Variants in BRMS1L observed in about 807,000 individuals in gnomAD.
The protein encoded by BRMS1L is breast cancer metastasis-suppressor 1-like protein.
In BRMS1L, 23 loss-of-function variants were observed where a neutral mutation model predicts 50.3. That is an observed-to-expected ratio of 0.46 (90% CI 0.33 to 0.65). The LOEUF (loss-of-function observed/expected upper bound fraction) is 0.65. Ranked by LOEUF, BRMS1L falls within the 30% of genes least tolerant of loss-of-function variation. The probability of loss-of-function intolerance (pLI) is 0.02; values close to 1 mark genes in which losing one functional copy is unlikely to be tolerated. For synonymous variants in BRMS1L, 114 were observed against 126.9 expected (o/e 0.90, Z 0.69); for missense variants, 286 against 386.1 (o/e 0.74, Z 2.17).
intron 1 of BRMS1L, 56 bp downstream of exon 1, chr14:35,826,714 C>T: frequency 6.3e-7 from 1 of 1,592,684 alleles, no homozygotes; most frequent in Admixed American, 1.8e-5. Context: ...CGACAGGCCG[C>T]TCTCCGCACG....
intron 4 of BRMS1L, among the ~76,000 whole-genome samples, chr14:35,849,736 G>T (rs2078184302): frequency 6.6e-6 from 1 of 152,052 alleles, no homozygotes; most frequent in Non-Finnish European, 1.5e-5. Flanking sequence ...ATGTTTTTGG[G>T]GGAATGTCTA....
intron 4 of BRMS1L, among the ~76,000 whole-genome samples, chr14:35,839,915 G>T (rs1002163755): frequency 2.6e-5 from 4 of 152,116 alleles, no homozygotes; most frequent in Admixed American, 6.5e-5. Context: ...TGTCGAATAC[G>T]AGTGGTGAGA....
intron 9 of BRMS1L, 138 bp downstream of exon 9, chr14:35,868,170 T>G: frequency 5.4e-6 from 4 of 743,772 alleles, no homozygotes; most frequent in Non-Finnish European, 8.2e-6. Flanking sequence ...ACATATGGCT[T>G]GATTACATGT....
chr14:35,843,172 AC>A lies in BRMS1L; in HGVS notation c.441+8250del, dbSNP rs1377383166. 1.1e-4 allele frequency among the ~76,000 whole-genome samples: 16 copies of A among 152,176 alleles called. 1 individual carries two copies. The highest frequency in any genetic ancestry group is 2.9e-5 in the Non-Finnish European group (2 of 68,028). On this transcript the variant is annotated intron_variant, in intron 4 of 9. Coordinates refer to ENST00000216807, the MANE Select transcript of BRMS1L (RefSeq NM_032352.4). ...AGTTATTACCCACCTACTGAAGCCT[AC>A]TTCTGCCAATTCGTCAAGCTCATTC...
intron 5 of BRMS1L, among the ~76,000 whole-genome samples, 181 bp downstream of exon 5, chr14:35,862,867 C>T (rs957058844): frequency 6.6e-6 from 1 of 152,152 alleles, no homozygotes; most frequent in African/African-American, 2.4e-5. Context: ...TTTGAATTCA[C>T]ACTTTAGAAA....
intron 4 of BRMS1L, among the ~76,000 whole-genome samples, chr14:35,843,972 C>G (rs777852065): frequency 3.3e-5 from 5 of 152,156 alleles, no homozygotes; most frequent in Non-Finnish European, 7.3e-5. Context: ...TTCCTGGTGG[C>G]TTTGTTTACA....
At chr14:35,830,002 C>A in intron 1 of BRMS1L, 1 of 217,972 alleles carries the variant, frequency 4.6e-6, no homozygotes, top group South Asian at 9.3e-5. Context: ...AATAAGGGAA[C>A]GTAGGAATGG....
At chr14:35,864,790 G>T in intron 6 of BRMS1L, 145 bp from the exon 7 acceptor site, 7 of 614,994 alleles carry the variant, frequency 1.1e-5, no homozygotes, top group Non-Finnish European at 2.0e-5. Flanking sequence ...GTACTAAGTG[G>T]TTTGAAGAAT....
Position 35,870,406 on chromosome 14 carries a change from C to A in BRMS1L, c.901C>A (p.Pro301Thr). Residue 301 changes from proline to threonine, a missense_variant, in exon 10 of 10, where the codon CCT becomes ACT. Physicochemically the swap from Pro to Thr is conservative, Grantham distance 38. Coordinates refer to ENST00000216807, the MANE Select transcript of BRMS1L (RefSeq NM_032352.4). ...CCATGATGAAGTTTGGTTTAAGAGG[C>A]CTGATGGAAGCAAATCTAAGCTTTA... ...INHDEVWFKR[P>T]DGSKSKLYIS... 6.2e-7 allele frequency: 1 copy of A among 1,607,748 alleles called. No homozygotes were observed. The highest frequency in any genetic ancestry group is 8.5e-7 in the Non-Finnish European group (1 of 1,176,976).
At chr14:35,833,692 T>A (rs1186549429) in intron 3 of BRMS1L, among the ~76,000 whole-genome samples, 2 of 152,154 alleles carry the variant, frequency 1.3e-5, no homozygotes, top group African/African-American at 4.8e-5. Context: ...CTCAGTATCA[T>A]GTCCTGGCAC....
At chr14:35,852,292 A>C (rs1566423812) in intron 4 of BRMS1L, among the ~76,000 whole-genome samples, 1 of 152,214 alleles carries the variant, frequency 6.6e-6, no homozygotes, top group Non-Finnish European at 1.5e-5. Context: ...TGTAGCCTTA[A>C]ACTCGTGGAC....
chr14:35,859,773 C>T (rs1268882070), intron 4 of BRMS1L, among the ~76,000 whole-genome samples: 2 of 152,176 alleles, frequency 1.3e-5, no homozygotes, highest in African/African-American at 4.8e-5. Flanking sequence ...CCTCAGTTGC[C>T]TGAGTAGCTG....
intron 4 of BRMS1L, among the ~76,000 whole-genome samples, chr14:35,836,178 G>A (rs1253580410): frequency 6.6e-6 from 1 of 152,132 alleles, no homozygotes; most frequent in Non-Finnish European, 1.5e-5. Flanking sequence ...GACTATATAA[G>A]TTCTTTATAT....
Position 35,826,346 on chromosome 14 carries a change from C to G in BRMS1L, c.-171C>G. ...AGGCCTCCGCCAATGGCAGAGCTCC[C>G]ATCGCAGAGCCTGCGGGTTAGGTTG... On this transcript the variant is annotated 5_prime_UTR_variant, in exon 1 of 10. Coordinates refer to ENST00000216807, the MANE Select transcript of BRMS1L (RefSeq NM_032352.4). 1 of 957,000 alleles carries G rather than the reference C, an allele frequency of 1.0e-6. No individual in the cohort carries two copies. The highest frequency in any genetic ancestry group is 1.5e-6 in the Non-Finnish European group (1 of 655,264). The allele number at this position is 957,000 out of a possible 1,614,324, so 59.3% of individuals were successfully genotyped here.
chr14:35,868,061 G>A (rs1393276917), intron 9 of BRMS1L, 29 bp downstream of exon 9: 4 of 1,569,842 alleles, frequency 2.5e-6, no homozygotes, highest in Non-Finnish European at 2.6e-6. Flanking sequence ...TTTCAGTGTT[G>A]CTCAGTATTG....
chr14:35,828,218 G>C (rs1187731560), intron 1 of BRMS1L, among the ~76,000 whole-genome samples: 2 of 152,032 alleles, frequency 1.3e-5, no homozygotes, highest in African/African-American at 4.8e-5. Context: ...TGTTGCCCAG[G>C]CTGGAGTGTA....
Position 35,870,351 on chromosome 14 carries a change from TC to T in BRMS1L, c.855-8del, listed in dbSNP as rs2078476236. ...ATTCATTCATTCATTCTTTTTTTTT[TC>T]TTTTTAGTGCTGTAATTACAACAAT... is the stretch of plus-strand genomic sequence containing the variant. On this transcript the variant is annotated splice_polypyrimidine_tract_variant and splice_region_variant and intron_variant, in intron 9 of 9. Transcript: ENST00000216807. 1.4e-6 allele frequency: 2 copies of T among 1,473,480 alleles called. No individual in the cohort carries two copies. The highest frequency in any genetic ancestry group is 1.4e-5 in the African/African-American group (1 of 69,996). 91.3% of individuals were successfully genotyped at this position (1,473,480 alleles called of 1,614,324 possible). A position where few individuals can be genotyped will look rare whatever the true frequency, so the allele number is the denominator to read the frequency against.
rs184862443 is a variant in BRMS1L, at chr14:35,862,755, G to A, written c.538+69G>A. The A allele has an allele frequency of 8.6e-5, 84 of 974,830 alleles. No individual in the cohort carries two copies. The Middle Eastern group carries it at 8.9e-4, about 10-fold the overall frequency. The allele number at this position is 974,830 out of a possible 1,614,324, so 60.4% of individuals were successfully genotyped here. A position where few individuals can be genotyped will look rare whatever the true frequency, so the allele number is the denominator to read the frequency against. ...CTTTGGTTTACTGTAGTGTCATATC[G>A]TATCTCAGTCTTCTAATATTAATAT... On this transcript the variant is annotated intron_variant, in intron 5 of 9. Transcript: ENST00000216807.
intron 8 of BRMS1L, among the ~76,000 whole-genome samples, chr14:35,866,789 G>A (rs1327641426): frequency 1.3e-5 from 2 of 152,172 alleles, no homozygotes; most frequent in Non-Finnish European, 2.9e-5. Flanking sequence ...TTGCCCTGGG[G>A]AATTAACTGC....
Sources: allele counts gnomAD v4.1 joint callset (sites outside exome capture counted in the v4.1 genomes callset), GRCh38; gene constraint gnomAD v4.1.1; transcripts MANE v1.5; gene names NCBI Gene and HGNC (gene_info 2026-07-23, HGNC 2026-07-21).